The following PARD3 variants were observed in gnomAD, a reference collection of about 807,000 sequenced individuals.
PARD3 encodes the protein par-3 family cell polarity regulator.
Under a neutral mutation model 155.4 loss-of-function variants are expected in PARD3, and 75 were observed. The observed-to-expected ratio is 0.48, with a 90% CI of 0.40 to 0.58. The LOEUF is 0.58. Ranked by LOEUF, PARD3 falls within the 20% of genes least tolerant of loss-of-function variation. The pLI is 0.00. For missense variants in PARD3, 1,642 were observed against 1,721.7 expected, an observed-to-expected ratio of 0.95 and a Z score of 0.82; for synonymous variants, 576 against 610.5, an observed-to-expected ratio of 0.94 and a Z score of 0.83.
intron 3 of PARD3, among the ~76,000 whole-genome samples, chr10:34,507,436 C>T (rs1183169217): frequency 1.3e-5 from 2 of 150,776 alleles, no homozygotes; most frequent in African/African-American, 2.4e-5. Flanking sequence ...ATAGAGGTAA[C>T]GTGGCAACGG....
intron 5 of PARD3, among the ~76,000 whole-genome samples, chr10:34,413,447 C>CTTT (rs11284199): frequency 4.9e-5 from 7 of 144,124 alleles, no homozygotes; most frequent in South Asian, 2.2e-4. Context: ...CCAGCTCTAC[C>CTTT]TTTTTTTTTT....
At chr10:34,471,375 A>C (rs965530995) in intron 3 of PARD3, among the ~76,000 whole-genome samples, 3 of 152,206 alleles carry the variant, frequency 2.0e-5, no homozygotes, top group Non-Finnish European at 4.4e-5. Context: ...CAGAATTAAA[A>C]ATGCAAAGTG....
chr10:34,716,585 C>CTGTT (rs2094523414), intron 1 of PARD3, among the ~76,000 whole-genome samples: 3 of 73,246 alleles, frequency 4.1e-5, no homozygotes, highest in African/African-American at 4.8e-5. Context: ...GATGGCTTTT[C>CTGTT]TTTTTTTTTT....
intron 22 of PARD3, among the ~76,000 whole-genome samples, chr10:34,247,997 T>A (rs1222569420): frequency 6.6e-6 from 1 of 152,182 alleles, no homozygotes; most frequent in Non-Finnish European, 1.5e-5. Flanking sequence ...TTTTTAGGCA[T>A]CCCCAACCAC....
intron 3 of PARD3, among the ~76,000 whole-genome samples, chr10:34,496,065 G>A (rs1050408755): frequency 1.3e-5 from 2 of 151,932 alleles, no homozygotes; most frequent in South Asian, 4.2e-4. Flanking sequence ...AGCTGGGCAT[G>A]GTGGTGTGCG....
chr10:34,304,164 C>T (rs1225955779), intron 20 of PARD3, among the ~76,000 whole-genome samples: 3 of 152,060 alleles, frequency 2.0e-5, no homozygotes, highest in Non-Finnish European at 4.4e-5. Flanking sequence ...AGGAATGAGA[C>T]AGCTGGTAAG....
chr10:34,189,327 A>G (rs993891873), intron 22 of PARD3, among the ~76,000 whole-genome samples: 3 of 152,182 alleles, frequency 2.0e-5, no homozygotes, highest in Non-Finnish European at 4.4e-5. Context: ...AAGACTCTAC[A>G]TTACAAAAAT....
At chr10:34,603,594 A>G (rs1365182824) in intron 2 of PARD3, among the ~76,000 whole-genome samples, 1 of 152,124 alleles carries the variant, frequency 6.6e-6, no homozygotes, top group African/African-American at 2.4e-5. Flanking sequence ...GCAGACTAGA[A>G]CCTTGATTAG....
chr10:34,649,134 C>CA (rs2092931879), intron 2 of PARD3, among the ~76,000 whole-genome samples: 1 of 152,132 alleles, frequency 6.6e-6, no homozygotes, highest in South Asian at 2.1e-4. Flanking sequence ...CATCGCTTAA[C>CA]AGGGGCACAC....
chr10:34,346,349 G>A lies in PARD3; in HGVS notation c.2218+1616C>T, dbSNP rs1052392865. The A allele has an allele frequency of 7.8e-6, 10 of 1,283,560 alleles. 1 individual carries two copies. The South Asian group carries it at 1.2e-4, about 15-fold the overall frequency. 79.5% of individuals were successfully genotyped at this position (1,283,560 alleles called of 1,614,324 possible). On this transcript the variant is annotated intron_variant, in intron 15 of 24. Coordinates refer to ENST00000374788, the MANE Select transcript of PARD3 (RefSeq NM_001184785.2). ...TTTTTTGGTTTGAGTTTTAGTTTTA[G>A]TTTTTCGCCTTCCTCTGAAGCATCA...
At chr10:34,732,588 T>C (rs1178917722) in intron 1 of PARD3, among the ~76,000 whole-genome samples, 5 of 152,106 alleles carry the variant, frequency 3.3e-5, no homozygotes, top group Non-Finnish European at 7.4e-5. Context: ...GTTCCAGCTG[T>C]TTGGGAGGCT....
chr10:34,166,858 T>C (rs530346221), intron 22 of PARD3, among the ~76,000 whole-genome samples: 28 of 152,272 alleles, frequency 1.8e-4, no homozygotes, highest in Middle Eastern at 3.4e-3. Flanking sequence ...CCTCCATTTC[T>C]CCTTAAGGAA....
chr10:34,194,988 T>C (rs1208397954), intron 22 of PARD3, among the ~76,000 whole-genome samples: 2 of 152,246 alleles, frequency 1.3e-5, no homozygotes, highest in African/African-American at 2.4e-5. Flanking sequence ...AATAAGCCTG[T>C]CCTGATTTTG....
chr10:34,608,693 C>G lies in PARD3; in HGVS notation c.222+87625G>C, dbSNP rs183196658. ...GGGATTACAGGTGCCTGCCACCACG[C>G]TCGCCTAATTTTGTATTTTTAGTAG... is the stretch of plus-strand genomic sequence containing the variant. On this transcript the variant is annotated intron_variant, in intron 2 of 24. Transcript: ENST00000374788. Among the ~76,000 whole-genome samples, 99 of 152,060 alleles carry G rather than the reference C, an allele frequency of 6.5e-4. 1 individual carries two copies. Among genetic ancestry groups the G allele is most frequent in the African/African-American group, 2.3e-3 (95 of 41,490 alleles).
chr10:34,188,664 T>C (rs1054547166), intron 22 of PARD3, among the ~76,000 whole-genome samples: 1 of 152,210 alleles, frequency 6.6e-6, no homozygotes, highest in African/African-American at 2.4e-5. Flanking sequence ...TTGAATGTGA[T>C]TTGGAATGAA....
At chr10:34,615,660 G>A (rs1249494620) in intron 2 of PARD3, among the ~76,000 whole-genome samples, 4 of 152,090 alleles carry the variant, frequency 2.6e-5, no homozygotes, top group South Asian at 2.1e-4. Context: ...AAAGTGAAGC[G>A]ACAACTACAG....
intron 2 of PARD3, among the ~76,000 whole-genome samples, chr10:34,665,643 G>A (rs2093433445): frequency 6.6e-6 from 1 of 152,136 alleles, no homozygotes; most frequent in Admixed American, 6.5e-5. Context: ...TTCCAGACCA[G>A]CCTGGCCAAT....
At chr10:34,200,132 T>C (rs1046490545) in intron 22 of PARD3, among the ~76,000 whole-genome samples, 1 of 152,202 alleles carries the variant, frequency 6.6e-6, no homozygotes, top group Non-Finnish European at 1.5e-5. Context: ...TCTAGTTATG[T>C]TAAGTGGCTT....
At chr10:34,424,173 T>C (rs1759833975) in intron 5 of PARD3, among the ~76,000 whole-genome samples, 2 of 152,318 alleles carry the variant, frequency 1.3e-5, no homozygotes, top group Middle Eastern at 3.4e-3. Flanking sequence ...AACACTTCCA[T>C]TCTTTTCTTA....
Sources: gnomAD v4.1 joint callset for allele counts (sites outside exome capture counted in the v4.1 genomes callset) on GRCh38, gnomAD v4.1.1 for gene constraint, MANE v1.5 for transcripts, NCBI Gene and HGNC (gene_info 2026-07-23, HGNC 2026-07-21) for gene names.